Variants in CLCN1 observed in about 807,000 individuals in gnomAD.
The protein encoded by CLCN1 is chloride channel protein 1.
A neutral mutation model predicts 114.5 loss-of-function variants in CLCN1; 100 were observed. The observed-to-expected ratio is 0.87, with a 90% CI of 0.74 to 1.03. CLCN1 has a LOEUF of 1.03. Among genes scored for constraint, CLCN1 ranks in the 50% least tolerant of loss-of-function variants. The pLI, the probability that CLCN1 is intolerant of heterozygous loss-of-function variation, is 0.00. For missense variants in CLCN1, 1,188 were observed against 1,250.0 expected (o/e 0.95, Z 0.75); for synonymous variants, 485 against 487.1 (o/e 1.00, Z 0.06).
chr7:143,334,552 T>C (rs954709031), intron 12 of CLCN1, among the ~76,000 whole-genome samples: 2 of 152,216 alleles, frequency 1.3e-5, no homozygotes, highest in Admixed American at 6.5e-5. Context: ...CCTTTAGCTA[T>C]ATCTTATGCT....
Position 143,321,620 on chromosome 7 carries a change from T to A in CLCN1, c.563-95T>A. On this transcript the variant is annotated intron_variant, in intron 4 of 22. Coordinates refer to ENST00000343257, the MANE Select transcript of CLCN1 (RefSeq NM_000083.3). This position sits in a 1 kb window ranked among gnomAD's most constrained non-coding sequence, Gnocchi z 4.2. Reference sequence around the variant, plus strand: ...GCCCCATCCTCCCCACCACTGCCTCTTCAGCCCTCTCCAATTCCCATTCCC... The same window carrying A: ...GCCCCATCCTCCCCACCACTGCCTCATCAGCCCTCTCCAATTCCCATTCCC... The A allele has an allele frequency of 6.2e-7, 1 of 1,605,632 alleles. No individual in the cohort carries two copies. Among genetic ancestry groups the A allele is most frequent in the Non-Finnish European group, 8.5e-7 (1 of 1,172,706 alleles).
intron 12 of CLCN1, among the ~76,000 whole-genome samples, chr7:143,338,301 C>T (rs1415398683): frequency 6.6e-6 from 1 of 152,134 alleles, no homozygotes; most frequent in Admixed American, 6.5e-5. Context: ...CTTCCAGTAG[C>T]TAGCCAGGAC....
At chr7:143,336,849 G>A (rs996107296) in intron 12 of CLCN1, among the ~76,000 whole-genome samples, 2 of 152,072 alleles carry the variant, frequency 1.3e-5, no homozygotes, top group Admixed American at 6.6e-5. Context: ...TATCTTGGAG[G>A]ATAATCTAAA....
chr7:143,344,208 C>T (rs931949050), intron 16 of CLCN1, among the ~76,000 whole-genome samples: 15 of 152,134 alleles, frequency 9.9e-5, no homozygotes, highest in Non-Finnish European at 2.2e-4. Flanking sequence ...CTGCCTTCAC[C>T]ATCATTTGAC....
chr7:143,323,687 T>C (rs2272255), intron 6 of CLCN1: 194,883 of 564,044 alleles, frequency 0.35, 37,703 homozygotes, highest in African/African-American at 0.66. Flanking sequence ...CCCTCTGTGT[T>C]AGTTTCCCTC....
At chr7:143,331,135 A>G (rs1802712239) in intron 8 of CLCN1, 97 bp from the exon 9 acceptor site, 5 of 1,077,378 alleles carry the variant, frequency 4.6e-6, no homozygotes, top group Non-Finnish European at 7.2e-6. Flanking sequence ...CTGGGATTGG[A>G]GGAAGGAAGG....
Position 143,331,638 on chromosome 7 carries a change from GT to G in CLCN1, c.1155del (p.Ala387LeufsTer32), listed in dbSNP as rs1243772930. On this transcript the variant is annotated frameshift_variant, in exon 10 of 23. Coordinates refer to ENST00000343257, the MANE Select transcript of CLCN1 (RefSeq NM_000083.3). LOFTEE classifies it high-confidence loss of function. ...GVRKHKALSQ[F>X]LAKHRLLYPG... ...TCCGAAAGCACAAGGCCCTCAGCCA[GT>G]TTCTTGCTAAGCAGTGAGTCACTGC... is the stretch of plus-strand genomic sequence containing the variant. 1.2e-6 allele frequency: 2 copies of G among 1,613,394 alleles called. No homozygotes were observed. The highest frequency in any genetic ancestry group is 2.7e-5 in the African/African-American group (2 of 74,930).
At chr7:143,323,540 T>G (rs777489125) in intron 6 of CLCN1, 154 bp downstream of exon 6, 3 of 718,826 alleles carry the variant, frequency 4.2e-6, no homozygotes, top group Non-Finnish European at 7.8e-6. Context: ...TCTCCCTGTC[T>G]GCCTACCCTG....
At chr7:143,341,000 G>T (rs1214694261) in intron 14 of CLCN1, among the ~76,000 whole-genome samples, 1 of 152,050 alleles carries the variant, frequency 6.6e-6, no homozygotes, top group Non-Finnish European at 1.5e-5. Flanking sequence ...GGAGCTTATA[G>T]AATTATAAAG....
chr7:143,351,678 C>A lies in CLCN1; in HGVS notation c.2680C>A (p.Arg894=), dbSNP rs55960271. 3.5e-5 allele frequency: 57 copies of A among 1,614,048 alleles called. No homozygotes were observed. The highest frequency in any genetic ancestry group is 4.8e-5 in the Non-Finnish European group (57 of 1,180,028). ...CAGCTTCCGGAACACGACTTCAACT[C>A]GAAAGAGTACCGGGGCACCTCCATC... is the stretch of plus-strand genomic sequence containing the variant. ...LASFRNTTST[R]KSTGAPPSSA... Residue 894 remains arginine (R), a synonymous_variant, in exon 23 of 23, where the codon CGA becomes AGA. Coordinates refer to ENST00000343257, the MANE Select transcript of CLCN1 (RefSeq NM_000083.3).
chr7:143,323,446 TC>T, intron 6 of CLCN1, 60 bp downstream of exon 6: 1 of 1,221,998 alleles, frequency 8.2e-7, no homozygotes, highest in South Asian at 1.2e-5. Flanking sequence ...CGGCTGTGTG[TC>T]CAGGGTGTTG....
In CLCN1 at chr7:143,332,500, A is replaced by C. The variant is rs746724811; in HGVS notation, c.1248A>C (p.Gly416=). 1 of 1,613,018 alleles carries C rather than the reference A, an allele frequency of 6.2e-7. No individual in the cohort carries two copies. The highest frequency in any genetic ancestry group is 8.5e-7 in the Non-Finnish European group (1 of 1,178,956). ...CAGGAATGGGTCAATTCATGGCTGG[A>C]GAGGTCAGCTGTTGGTGGGGCCACA... The part of the protein sequence containing the change: ...FPPGMGQFMA[G]ELMPREAIST... Residue 416 remains glycine (G), a synonymous_variant, in exon 11 of 23, where the codon GGA becomes GGC. Transcript: ENST00000343257.
At chr7:143,320,563 C>A in intron 2 of CLCN1, 101 bp from the exon 3 acceptor site, 13 of 734,934 alleles carry the variant, frequency 1.8e-5, no homozygotes, top group African/African-American at 5.4e-5. Context: ...TTCTCTCTCT[C>A]TCTCTCTCTC....
rs550090958 is a variant in CLCN1, at chr7:143,337,927, C to T, written c.1402-1326C>T. Reference sequence around the variant, plus strand: ...CTGCAAGCTCCAACTCCCGGGTTCACGCCATTCTCCTGCCTCAGCCTCCCA... The same window carrying T: ...CTGCAAGCTCCAACTCCCGGGTTCATGCCATTCTCCTGCCTCAGCCTCCCA... On this transcript the variant is annotated intron_variant, in intron 12 of 22. Transcript: ENST00000343257. 4.9e-5 allele frequency among the ~76,000 whole-genome samples: 7 copies of T among 142,692 alleles called. No individual in the cohort carries two copies. The East Asian group carries it at 9.1e-4, about 18-fold the overall frequency. The allele number at this position is 142,692 out of a possible 152,430, so 93.6% of individuals were successfully genotyped here. A position where few individuals can be genotyped will look rare whatever the true frequency, so the allele number is the denominator to read the frequency against.
chr7:143,321,669 T>TTTCACC lies in CLCN1; in HGVS notation c.563-37_563-32dup, dbSNP rs778411246. The TTTCACC allele has an allele frequency of 4.3e-6, 7 of 1,613,878 alleles. No individual in the cohort carries two copies. In the South Asian group the frequency reaches 7.7e-5, roughly 18 times the overall value. ...CCATATTCTGGACATTCATCTCCCT[T>TTTCACC]TTCACCTTCACCTTGACCCTGCACA... On this transcript the variant is annotated intron_variant, in intron 4 of 22. Transcript: ENST00000343257. This position sits in a 1 kb window ranked among gnomAD's most constrained non-coding sequence, Gnocchi z 4.2.
intron 15 of CLCN1, 86 bp from the exon 16 acceptor site, chr7:143,342,286 G>A (rs1803101254): frequency 5.8e-6 from 9 of 1,548,470 alleles, no homozygotes; most frequent in Non-Finnish European, 7.1e-6. Context: ...TATTGTGAGT[G>A]ACTGAAAGTA....
chr7:143,346,983 G>T (rs1803267181), intron 20 of CLCN1, 34 bp downstream of exon 20: 1 of 1,573,706 alleles, frequency 6.4e-7, no homozygotes. Flanking sequence ...GGGGTGGATT[G>T]TTCTATCAAA....
rs185498033 is a variant in CLCN1 at position 143,326,567 on chromosome 7, C to G, written c.853+2075C>G. Among the ~76,000 whole-genome samples the G allele has an allele frequency of 3.8e-3, 577 of 152,222 alleles. 6 individuals carry two copies. The highest frequency in any genetic ancestry group is 0.012 in the African/African-American group (495 of 41,510). On this transcript the variant is annotated intron_variant, in intron 7 of 22. Coordinates refer to ENST00000343257, the MANE Select transcript of CLCN1 (RefSeq NM_000083.3). ...AGCTGGGGTAAAGTGCAGTGGGGACCTTATGCTAACCTGCCTACAAGAGCC... is the reference window on the plus strand; with the variant it reads ...AGCTGGGGTAAAGTGCAGTGGGGACGTTATGCTAACCTGCCTACAAGAGCC...
At chr7:143,340,134 T>C (rs1347445512) in intron 14 of CLCN1, among the ~76,000 whole-genome samples, 1 of 152,208 alleles carries the variant, frequency 6.6e-6, no homozygotes, top group African/African-American at 2.4e-5. Flanking sequence ...GAGATAGAGC[T>C]ATGCCTAACA....
Sources: gnomAD v4.1 joint callset for allele counts (sites outside exome capture counted in the v4.1 genomes callset) on GRCh38, gnomAD v4.1.1 for gene constraint, Gnocchi (gnomAD v3.1) non-coding constraint, MANE v1.5 for transcripts, NCBI Gene and HGNC (gene_info 2026-07-23, HGNC 2026-07-21) for gene names.